DPYD: variants seen among roughly 807,000 people sequenced by gnomAD.
The protein encoded by DPYD is dihydropyrimidine dehydrogenase [NADP(+)].
Under a neutral mutation model 116.2 loss-of-function variants are expected in DPYD, and 109 were observed. That is an observed-to-expected ratio of 0.94 (90% CI 0.80 to 1.10). The LOEUF (loss-of-function observed/expected upper bound fraction) is 1.10, where lower values mean the gene tolerates loss of function less well. Ranked by LOEUF, DPYD falls within the 50% of genes least tolerant of loss-of-function variation. The pLI is 0.00. For synonymous variants in DPYD, 440 were observed against 432.0 expected (o/e 1.02, Z -0.23); for missense variants, 1,302 against 1,254.5 (o/e 1.04, Z -0.57).
At chr1:97,659,864 A>G (rs528320285) in intron 8 of DPYD, among the ~76,000 whole-genome samples, 1 of 152,170 alleles carries the variant, frequency 6.6e-6, no homozygotes, top group African/African-American at 2.4e-5. Flanking sequence ...CTTACTGTAT[A>G]TGAGTATTGT....
At chr1:97,290,671 A>T (rs566018432) in intron 18 of DPYD, among the ~76,000 whole-genome samples, 34 of 152,272 alleles carry the variant, frequency 2.2e-4, no homozygotes, top group African/African-American at 7.2e-4. Flanking sequence ...CTTACACCTT[A>T]TACAAAAATT....
intron 5 of DPYD, chr1:97,721,041 T>C: frequency 7.2e-7 from 1 of 1,396,118 alleles, no homozygotes; most frequent in Non-Finnish European, 9.7e-7. Flanking sequence ...ACATTATTAA[T>C]GTGGTTAAAT....
chr1:97,336,902 C>A (rs1669314847), intron 16 of DPYD, among the ~76,000 whole-genome samples: 1 of 151,930 alleles, frequency 6.6e-6, no homozygotes, highest in African/African-American at 2.4e-5. Flanking sequence ...TGGAAAAATA[C>A]AATGTTAAAG....
chr1:97,439,874 G>A (rs1675669306), intron 14 of DPYD, among the ~76,000 whole-genome samples: 1 of 151,750 alleles, frequency 6.6e-6, no homozygotes, highest in Admixed American at 6.6e-5. Context: ...CATGAATAAT[G>A]TTTTATGGCA....
intron 13 of DPYD, among the ~76,000 whole-genome samples, chr1:97,455,752 C>T (rs937451547): frequency 7.2e-5 from 11 of 151,816 alleles, no homozygotes; most frequent in Non-Finnish European, 1.6e-4. Flanking sequence ...ATATTTGATT[C>T]CTCCACAAAA....
chr1:97,740,842 T>C (rs1218497898), intron 3 of DPYD, among the ~76,000 whole-genome samples: 1 of 152,194 alleles, frequency 6.6e-6, no homozygotes, highest in African/African-American at 2.4e-5. Context: ...TTTGTAATTC[T>C]TTTAGACCAA....
chr1:97,605,361 G>A (rs546470204), intron 8 of DPYD, among the ~76,000 whole-genome samples: 7 of 152,130 alleles, frequency 4.6e-5, no homozygotes, highest in Admixed American at 3.9e-4. Context: ...GAATCATGGG[G>A]GTGATTTCCC....
At chr1:97,105,266 AG>A (rs1056350992) in intron 20 of DPYD, among the ~76,000 whole-genome samples, 3 of 151,934 alleles carry the variant, frequency 2.0e-5, no homozygotes, top group Non-Finnish European at 4.4e-5. Context: ...TTTGAAGGAG[AG>A]GGGGAATAGA....
At chr1:97,920,790 G>T in intron 1 of DPYD, 94 bp downstream of exon 1, 1 of 1,505,960 alleles carries the variant, frequency 6.6e-7, no homozygotes. Context: ...CTCACTCTCC[G>T]GGGTGCGGGG....
chr1:97,552,927 C>A (rs1405552441), intron 11 of DPYD, among the ~76,000 whole-genome samples: 1 of 151,846 alleles, frequency 6.6e-6, no homozygotes, highest in Non-Finnish European at 1.5e-5. Context: ...TTACTAACAT[C>A]AATCAAAATA....
chr1:97,389,556 A>T (rs1245909702), intron 14 of DPYD, among the ~76,000 whole-genome samples: 1 of 152,046 alleles, frequency 6.6e-6, no homozygotes, highest in Non-Finnish European at 1.5e-5. Flanking sequence ...CATCTTATCA[A>T]GATGCTTTTT....
At chr1:97,210,242 G>GT (rs935407652) in intron 19 of DPYD, among the ~76,000 whole-genome samples, 9 of 151,930 alleles carry the variant, frequency 5.9e-5, no homozygotes, top group African/African-American at 2.2e-4. Context: ...AATGTAGAGC[G>GT]TTTTTTTCCC....
chr1:97,156,956 T>G (rs1213823532), intron 20 of DPYD, among the ~76,000 whole-genome samples: 1 of 151,722 alleles, frequency 6.6e-6, no homozygotes, highest in Non-Finnish European at 1.5e-5. Context: ...GATGAGTTCA[T>G]GTCCTTTGTA....
intron 3 of DPYD, among the ~76,000 whole-genome samples, chr1:97,798,475 C>A (rs1667689779): frequency 6.6e-6 from 1 of 151,874 alleles, no homozygotes; most frequent in Non-Finnish European, 1.5e-5. Flanking sequence ...CACCTCAATC[C>A]TGTGAGGCAG....
intron 19 of DPYD, among the ~76,000 whole-genome samples, chr1:97,206,194 G>A (rs1430563784): frequency 6.6e-6 from 1 of 151,910 alleles, no homozygotes; most frequent in Admixed American, 6.6e-5. Flanking sequence ...GACAGGGGAG[G>A]CAAGGAGCTA....
Position 97,863,710 on chromosome 1 carries a change from C to A in DPYD, c.150+19554G>T, listed in dbSNP as rs973646580. Among the ~76,000 whole-genome samples the A allele has an allele frequency of 2.8e-4, 42 of 151,648 alleles. 1 individual carries two copies. The highest frequency in any genetic ancestry group is 9.4e-4 in the African/African-American group (39 of 41,308). On this transcript the variant is annotated intron_variant, in intron 2 of 22. Coordinates refer to ENST00000370192, the MANE Select transcript of DPYD (RefSeq NM_000110.4). Reference sequence around the variant, plus strand: ...AACAATTCATTATAACGCTAAGTTACAATGTGATATATAATTATATATAAT... The same window carrying A: ...AACAATTCATTATAACGCTAAGTTAAAATGTGATATATAATTATATATAAT...
chr1:97,787,921 C>T (rs146417950), intron 3 of DPYD, among the ~76,000 whole-genome samples: 45 of 152,282 alleles, frequency 3.0e-4, no homozygotes, highest in African/African-American at 1.1e-3. Flanking sequence ...AGTAATAAAG[C>T]TTCCTCTAGA....
Position 97,506,905 on chromosome 1 carries a change from T to C in DPYD, c.1740+8821A>G, listed in dbSNP as rs550632505. On this transcript the variant is annotated intron_variant, in intron 13 of 22. Transcript: ENST00000370192. ...ACTAAGTCTGGCAAACATGGTATGATTGCGAACAGAGACTGATTTAAAACT... is the reference window on the plus strand; with the variant it reads ...ACTAAGTCTGGCAAACATGGTATGACTGCGAACAGAGACTGATTTAAAACT... Among the ~76,000 whole-genome samples the C allele has an allele frequency of 1.8e-4, 28 of 152,160 alleles. No individual in the cohort carries two copies. The South Asian group carries it at 2.9e-3, about 16-fold the overall frequency.
intron 19 of DPYD, among the ~76,000 whole-genome samples, chr1:97,229,724 G>C (rs1396778038): frequency 6.6e-6 from 1 of 151,566 alleles, no homozygotes; most frequent in African/African-American, 2.4e-5. Context: ...CCAGCTCTCT[G>C]GGCAATAAAT....
Sources: allele counts gnomAD v4.1 joint callset (sites outside exome capture counted in the v4.1 genomes callset), GRCh38; gene constraint gnomAD v4.1.1; transcripts MANE v1.5; gene names NCBI Gene and HGNC (gene_info 2026-07-23, HGNC 2026-07-21).